The following TEX11 variants were observed in gnomAD, a reference collection of about 807,000 sequenced individuals.
TEX11 encodes the protein testis expressed 11, also known as testis-expressed protein 11.
In TEX11, 7 loss-of-function variants were observed where a neutral mutation model predicts 84.4. The observed-to-expected ratio is 0.08, with a 90% CI of 0.05 to 0.16. The LOEUF (loss-of-function observed/expected upper bound fraction) is 0.16, where lower values mean the gene tolerates loss of function less well. Ranked by LOEUF, TEX11 falls within the 10% of genes least tolerant of loss-of-function variation. The pLI is 1.00. For synonymous variants in TEX11, 264 were observed against 222.8 expected, an observed-to-expected ratio of 1.18 and a Z score of -1.64; for missense variants, 551 against 660.5, an observed-to-expected ratio of 0.83 and a Z score of 1.82.
At chrX:70,675,652 CAG>C (rs1199026947) in intron 15 of TEX11, among the ~76,000 whole-genome samples, 1 of 108,396 alleles carries the variant, frequency 9.2e-6, no homozygotes, top group East Asian at 2.9e-4. Flanking sequence ...TTCTTTTTCT[CAG>C]AGTCTCGCTC....
At chrX:70,837,313 C>T (rs1243713177) in intron 7 of TEX11, among the ~76,000 whole-genome samples, 1 of 111,465 alleles carries the variant, frequency 9.0e-6, no homozygotes, top group Non-Finnish European at 1.9e-5. Flanking sequence ...AATCCCAGCA[C>T]TTTGATAGGC....
chrX:70,626,044 G>T (rs189382096), intron 18 of TEX11, among the ~76,000 whole-genome samples: 1 of 110,985 alleles, frequency 9.0e-6, no homozygotes, highest in Non-Finnish European at 1.9e-5. Flanking sequence ...CACTGCGCGC[G>T]GCATATTTTC....
chrX:70,639,826 G>T (rs1193353371), intron 17 of TEX11, among the ~76,000 whole-genome samples: 3 of 111,317 alleles, frequency 2.7e-5, no homozygotes, highest in African/African-American at 9.8e-5. Flanking sequence ...GGAAAAAACA[G>T]AACAGAAAAA....
At chrX:70,585,814 A>G in intron 25 of TEX11, among the ~76,000 whole-genome samples, 1 of 112,476 alleles carries the variant, frequency 8.9e-6, no homozygotes, top group African/African-American at 3.2e-5. Flanking sequence ...GCACTTTGGG[A>G]GGCCGAGGTG....
intron 9 of TEX11, among the ~76,000 whole-genome samples, chrX:70,755,742 T>A (rs1435610530): frequency 8.9e-6 from 1 of 112,025 alleles, no homozygotes; most frequent in East Asian, 2.8e-4. Flanking sequence ...TTGAGACTGG[T>A]TGGACAGTGG....
chrX:70,777,934 T>C (rs2091012602), intron 9 of TEX11, among the ~76,000 whole-genome samples: 1 of 112,030 alleles, frequency 8.9e-6, no homozygotes, highest in South Asian at 3.7e-4. Flanking sequence ...GATTAATTTC[T>C]CCAACCAAAA....
At chrX:70,896,262 GA>G (rs2091765739) in intron 2 of TEX11, among the ~76,000 whole-genome samples, 1 of 112,451 alleles carries the variant, frequency 8.9e-6, no homozygotes, top group Non-Finnish European at 1.9e-5. Flanking sequence ...GCAAACATAT[GA>G]AAAAAAGTTA....
At chrX:70,740,536 C>T (rs1176421304) in intron 11 of TEX11, among the ~76,000 whole-genome samples, 165 bp downstream of exon 11, 1 of 111,776 alleles carries the variant, frequency 8.9e-6, no homozygotes, top group Non-Finnish European at 1.9e-5. Context: ...GGGACACAAA[C>T]ATTCAGATTA....
intron 13 of TEX11, among the ~76,000 whole-genome samples, chrX:70,715,216 T>C (rs767570126): frequency 9.6e-6 from 1 of 104,642 alleles, no homozygotes; most frequent in Non-Finnish European, 1.9e-5. Context: ...CTCTCTGGCT[T>C]CACTTAACAT....
chrX:70,730,339 T>C (rs1337551810), intron 11 of TEX11, among the ~76,000 whole-genome samples: 1 of 111,803 alleles, frequency 8.9e-6, no homozygotes, highest in Non-Finnish European at 1.9e-5. Context: ...AATGCTCCAA[T>C]TAAAAGACAC....
chrX:70,660,865 G>C (rs1480944801), intron 16 of TEX11, among the ~76,000 whole-genome samples: 1 of 112,033 alleles, frequency 8.9e-6, no homozygotes, highest in Non-Finnish European at 1.9e-5. Flanking sequence ...GTGAAATCCC[G>C]TCTCTATTAA....
intron 17 of TEX11, among the ~76,000 whole-genome samples, chrX:70,638,493 G>GA (rs1238491940): frequency 1.8e-5 from 2 of 111,439 alleles, no homozygotes; most frequent in Non-Finnish European, 3.8e-5. Flanking sequence ...CTAACAGTTA[G>GA]TTTTTTTGAA....
chrX:70,753,210 C>T (rs868492742), intron 9 of TEX11, among the ~76,000 whole-genome samples: 115 of 15,311 alleles, frequency 7.5e-3, no homozygotes, highest in African/African-American at 0.028. Context: ...GGGGGGTGGG[C>T]GGCGAGGGGG....
At chrX:70,639,103 G>A (rs1463230493) in intron 17 of TEX11, among the ~76,000 whole-genome samples, 1 of 111,855 alleles carries the variant, frequency 8.9e-6, no homozygotes, top group Non-Finnish European at 1.9e-5. Flanking sequence ...TCACTCGGCG[G>A]GGGGAAGCGC....
chrX:70,776,017 C>A (rs1240734560), intron 9 of TEX11, among the ~76,000 whole-genome samples: 2 of 97,707 alleles, frequency 2.0e-5, no homozygotes, highest in African/African-American at 3.7e-5. Context: ...TAAATTAGTA[C>A]AAGCACTATG....
chrX:70,880,126 T>C lies in TEX11; in HGVS notation c.38-17A>G. On this transcript the variant is annotated splice_polypyrimidine_tract_variant and intron_variant, in intron 2 of 29. Coordinates refer to ENST00000374333, the MANE Select transcript of TEX11 (RefSeq NM_031276.3). ...CAACAACTTCTGAAATGACAATGGATGATAAATGTGCTGTGAACTATTACC... is the reference window on the plus strand; with the variant it reads ...CAACAACTTCTGAAATGACAATGGACGATAAATGTGCTGTGAACTATTACC... The C allele has an allele frequency of 8.6e-7, 1 of 1,156,581 alleles. No individual in the cohort carries two copies. The highest frequency in any genetic ancestry group is 1.8e-5 in the African/African-American group (1 of 56,500).
chrX:70,749,369 A>G (rs763639131), intron 9 of TEX11, among the ~76,000 whole-genome samples: 1 of 110,582 alleles, frequency 9.0e-6, no homozygotes, highest in South Asian at 3.9e-4. Flanking sequence ...GTCTGCAAAC[A>G]GGGAAAATTT....
In TEX11 at chrX:70,604,831, T is replaced by A. The variant is rs1057505126; in HGVS notation, c.2067+570A>T. Among the ~76,000 whole-genome samples the A allele has an allele frequency of 7.2e-5, 8 of 111,471 alleles. No homozygotes were observed. In the Admixed American group the frequency reaches 7.7e-4, roughly 11 times the overall value. Reference sequence around the variant, plus strand: ...AGGTAAACAGCTAAAAGCAAACCAATAATCTGGTGTATGGGAGACGGTGAT... The same window carrying A: ...AGGTAAACAGCTAAAAGCAAACCAAAAATCTGGTGTATGGGAGACGGTGAT... On this transcript the variant is annotated intron_variant, in intron 24 of 29. Coordinates refer to ENST00000374333, the MANE Select transcript of TEX11 (RefSeq NM_031276.3).
Position 70,602,712 on chromosome X carries a change from C to A in TEX11, c.2067+2689G>T, listed in dbSNP as rs1159772027. 3.7e-5 allele frequency among the ~76,000 whole-genome samples: 4 copies of A among 107,239 alleles called. No individual in the cohort carries two copies. The East Asian group carries it at 1.2e-3, about 31-fold the overall frequency. The allele number at this position is 107,239 out of a possible 115,157, so 93.1% of individuals were successfully genotyped here. On this transcript the variant is annotated intron_variant, in intron 24 of 29. Transcript: ENST00000374333. ...GGAAGTTCTGGCCACGGCAATTAGG[C>A]AGGAGAAGGAAATAAAGGGTATCCA...
Sources: gnomAD v4.1 joint callset for allele counts (sites outside exome capture counted in the v4.1 genomes callset) on GRCh38, gnomAD v4.1.1 for gene constraint, MANE v1.5 for transcripts, NCBI Gene and HGNC (gene_info 2026-07-23, HGNC 2026-07-21) for gene names.